The following EPB41 variants were observed in gnomAD, a reference collection of about 807,000 sequenced individuals.
EPB41 encodes erythrocyte membrane protein band 4.1, also known as protein 4.1.
EPB41 carries 65 observed loss-of-function variants against 108.0 expected under a neutral mutation model. That is an observed-to-expected ratio of 0.60 (90% confidence interval 0.49 to 0.74). The LOEUF is 0.74. Among genes scored for constraint, EPB41 ranks in the 30% least tolerant of loss-of-function variants. The pLI is 0.00. For synonymous variants in EPB41, 336 were observed against 358.9 expected (o/e 0.94, Z 0.72); for missense variants, 875 against 1,037.0 (o/e 0.84, Z 2.15).
chr1:28,994,171 TTTTG>T (rs1010035835), intron 3 of EPB41, among the ~76,000 whole-genome samples: 39 of 152,186 alleles, frequency 2.6e-4, no homozygotes, highest in Non-Finnish European at 4.9e-4. Context: ...ACAATTTTTT[TTTTG>T]TTTGTTTGTT....
intron 19 of EPB41, among the ~76,000 whole-genome samples, chr1:29,112,992 C>G (rs1249218332): frequency 6.6e-6 from 1 of 152,170 alleles, no homozygotes; most frequent in South Asian, 2.1e-4. Context: ...CCAGCAGACT[C>G]GAAACTTGTT....
chr1:28,935,184 A>T (rs927195866), intron 1 of EPB41, among the ~76,000 whole-genome samples: 7 of 152,006 alleles, frequency 4.6e-5, no homozygotes, highest in Non-Finnish European at 1.0e-4. Context: ...TAATCCAAGC[A>T]CTTTGGGAGG....
chr1:28,948,429 A>T (rs2094566768), intron 1 of EPB41, among the ~76,000 whole-genome samples: 1 of 151,134 alleles, frequency 6.6e-6, no homozygotes, highest in African/African-American at 2.4e-5. Flanking sequence ...GAATGGCATG[A>T]ACCCGAGAGG....
At chr1:29,074,965 T>A (rs1351369735) in intron 16 of EPB41, among the ~76,000 whole-genome samples, 1 of 152,048 alleles carries the variant, frequency 6.6e-6, no homozygotes, top group Non-Finnish European at 1.5e-5. Flanking sequence ...GAGACCATCC[T>A]GGCTAACATG....
chr1:28,919,057 A>C (rs1027884108), intron 1 of EPB41, among the ~76,000 whole-genome samples: 5 of 152,236 alleles, frequency 3.3e-5, no homozygotes, highest in African/African-American at 1.2e-4. Context: ...AGGAGTATTC[A>C]GAACTTGGAG....
chr1:28,938,804 C>G (rs886910236), intron 1 of EPB41, among the ~76,000 whole-genome samples: 1 of 152,124 alleles, frequency 6.6e-6, no homozygotes, highest in African/African-American at 2.4e-5. Context: ...CCATAACTGT[C>G]CTGATTTTTG....
chr1:28,933,953 G>C (rs1389217327), intron 1 of EPB41, among the ~76,000 whole-genome samples: 1 of 151,990 alleles, frequency 6.6e-6, no homozygotes, highest in Non-Finnish European at 1.5e-5. Context: ...ATACATTATT[G>C]TTAACTAAAG....
At chr1:28,953,925 G>T (rs1260697351) in intron 1 of EPB41, among the ~76,000 whole-genome samples, 1 of 152,126 alleles carries the variant, frequency 6.6e-6, no homozygotes, top group African/African-American at 2.4e-5. Flanking sequence ...TGCATTTCTA[G>T]CAAGTTCCCA....
intron 1 of EPB41, among the ~76,000 whole-genome samples, chr1:28,915,847 T>G (rs749040193): frequency 6.6e-6 from 1 of 151,582 alleles, no homozygotes; most frequent in African/African-American, 2.4e-5. Context: ...GATATTATTA[T>G]AGTGGATTTA....
At chr1:28,968,982 C>CCA (rs2095429505) in intron 1 of EPB41, among the ~76,000 whole-genome samples, 7 of 137,778 alleles carry the variant, frequency 5.1e-5, no homozygotes, top group Admixed American at 2.2e-4. Flanking sequence ...CCCCACCCCC[C>CCA]AAAAAAAAAA....
intron 1 of EPB41, among the ~76,000 whole-genome samples, chr1:28,952,878 C>T (rs925091689): frequency 2.0e-5 from 3 of 152,066 alleles, no homozygotes; most frequent in African/African-American, 7.2e-5. Context: ...ATTAAGCGCT[C>T]ACCACCACGC....
chr1:28,909,838 C>T (rs899454752), upstream of EPB41, among the ~76,000 whole-genome samples: 18 of 145,834 alleles, frequency 1.2e-4, no homozygotes, highest in African/African-American at 4.4e-4. Context: ...AGATAGTATA[C>T]ATAAGGGTGG....
At chr1:28,985,518 T>A (rs2095853364) in intron 1 of EPB41, among the ~76,000 whole-genome samples, 1 of 152,146 alleles carries the variant, frequency 6.6e-6, no homozygotes, top group South Asian at 2.1e-4. Flanking sequence ...ATACTTCAGC[T>A]AGGTTATGTA....
rs1671274993 is a variant in EPB41 at position 29,118,030 on chromosome 1, G to T, written c.*1218G>T. The T allele has an allele frequency of 6.6e-6, 1 of 152,268 alleles. No homozygotes were observed. The allele number at this position is 152,268 out of a possible 1,614,324, so 9.4% of individuals were successfully genotyped here. On this transcript the variant is annotated 3_prime_UTR_variant, in exon 21 of 21. Transcript: ENST00000343067. Reference sequence around the variant, plus strand: ...AAGGCTTGATTTTGTGGTGGGTTTGGGGCTTAGTTTTCCTTTTTTTCATTT... The same window carrying T: ...AAGGCTTGATTTTGTGGTGGGTTTGTGGCTTAGTTTTCCTTTTTTTCATTT...
intron 11 of EPB41, among the ~76,000 whole-genome samples, chr1:29,048,581 A>C (rs1643934070): frequency 6.6e-6 from 1 of 152,202 alleles, no homozygotes; most frequent in South Asian, 2.1e-4. Context: ...ATTAATGTTC[A>C]TTATTTCTTA....
chr1:28,944,338 T>G (rs2094415403), intron 1 of EPB41, among the ~76,000 whole-genome samples: 2 of 152,146 alleles, frequency 1.3e-5, no homozygotes, highest in African/African-American at 4.8e-5. Context: ...CAATTATAGT[T>G]GTACATTTAA....
intron 11 of EPB41, chr1:29,041,518 A>G (rs1181137502): frequency 6.6e-6 from 1 of 152,190 alleles, no homozygotes; most frequent in African/African-American, 2.4e-5. Flanking sequence ...TCAGAAGGCA[A>G]TAATCCAAAT....
At chr1:28,946,071 G>A (rs2094477414) in intron 1 of EPB41, among the ~76,000 whole-genome samples, 3 of 151,964 alleles carry the variant, frequency 2.0e-5, no homozygotes, top group Admixed American at 6.6e-5. Context: ...GAGTGAAAAC[G>A]CTGCTGACAA....
At chr1:29,102,339 T>G (rs1665703811) in intron 17 of EPB41, among the ~76,000 whole-genome samples, 1 of 152,092 alleles carries the variant, frequency 6.6e-6, no homozygotes, top group Admixed American at 6.6e-5. Context: ...TGGTACTGTT[T>G]ATGGAGGGGA....
Sources: allele counts gnomAD v4.1 joint callset (sites outside exome capture counted in the v4.1 genomes callset), GRCh38; gene constraint gnomAD v4.1.1; transcripts MANE v1.5; gene names NCBI Gene and HGNC (gene_info 2026-07-23, HGNC 2026-07-21).